Variants in C2orf92 observed in about 807,000 individuals in gnomAD.
The protein encoded by C2orf92 is chromosome 2 open reading frame 92.
intron 3 of C2orf92, among the ~76,000 whole-genome samples, chr2:97,682,710 A>G (rs1261158468): frequency 6.6e-6 from 1 of 152,180 alleles, no homozygotes; most frequent in Admixed American, 6.5e-5. Flanking sequence ...AGGAGAAAAA[A>G]TATCATTTCA....
upstream of C2orf92, chr2:97,669,038 C>T (rs1675322540): frequency 6.6e-6 from 1 of 152,098 alleles, no homozygotes; most frequent in South Asian, 2.1e-4. Context: ...AACATGAAGG[C>T]TCAAGGGCAG....
intron 7 of C2orf92, among the ~76,000 whole-genome samples, chr2:97,701,581 C>T (rs950546886): frequency 6.6e-6 from 1 of 152,160 alleles, no homozygotes; most frequent in Admixed American, 6.5e-5. Context: ...CAGACCTGTC[C>T]CCATATTGAG....
intron 3 of C2orf92, among the ~76,000 whole-genome samples, 191 bp from the exon 4 acceptor site, chr2:97,688,704 A>C (rs190287631): frequency 1.3e-5 from 2 of 152,070 alleles, no homozygotes; most frequent in Admixed American, 1.3e-4. Flanking sequence ...AGACATCACA[A>C]TTTTCCGGAA....
upstream of C2orf92, chr2:97,665,731 CTCTCTCTATATATA>C (rs1339469498): frequency 3.5e-3 from 81 of 23,214 alleles, no homozygotes; most frequent in African/African-American, 9.0e-3. Flanking sequence ...CTCTCTCTCT[CTCTCTCTATATATA>C]TATATATATA....
intron 1 of C2orf92, among the ~76,000 whole-genome samples, chr2:97,672,030 T>G (rs954070086): frequency 6.6e-6 from 1 of 152,188 alleles, no homozygotes. Context: ...TGAGAAAAAC[T>G]AAGGCCCAGG....
At chr2:97,676,500 T>A (rs1454670452) in intron 3 of C2orf92, among the ~76,000 whole-genome samples, 4 of 142,666 alleles carry the variant, frequency 2.8e-5, no homozygotes, top group East Asian at 2.2e-4. Flanking sequence ...GCCTCATACC[T>A]ATGATCCCAG....
chr2:97,669,345 C>G (rs1675334072), upstream of C2orf92: 1 of 152,632 alleles, frequency 6.6e-6, no homozygotes, highest in African/African-American at 2.4e-5. Context: ...GGTGATCCGC[C>G]TGCCTCAGCC....
chr2:97,664,313 G>C (rs907976636), exon 1 of C2orf92: 2 of 152,424 alleles, frequency 1.3e-5, no homozygotes, highest in African/African-American at 4.8e-5. Context: ...GAAATTCACC[G>C]GTCCAGGAAG....
chr2:97,667,653 C>T (rs1268806834), upstream of C2orf92, among the ~76,000 whole-genome samples: 2 of 152,100 alleles, frequency 1.3e-5, no homozygotes, highest in Non-Finnish European at 2.9e-5. Flanking sequence ...AGGATGATCT[C>T]GATCTCCTGA....
intron 3 of C2orf92, among the ~76,000 whole-genome samples, chr2:97,684,550 A>G (rs548225254): frequency 6.6e-6 from 1 of 152,350 alleles, no homozygotes; most frequent in Non-Finnish European, 1.5e-5. Context: ...GAAAATCTTC[A>G]TGACCTTGAA....
chr2:97,675,647 C>T, intron 2 of C2orf92, 198 bp from the exon 3 acceptor site: 1 of 393,642 alleles, frequency 2.5e-6, no homozygotes, highest in Non-Finnish European at 4.5e-6. Flanking sequence ...TGAAAATGAG[C>T]TTAGCCCCTG....
chr2:97,675,237 A>T (rs1675538197), intron 2 of C2orf92, among the ~76,000 whole-genome samples: 1 of 152,272 alleles, frequency 6.6e-6, no homozygotes, highest in Non-Finnish European at 1.5e-5. Context: ...TAAGCCAGCT[A>T]TGTGTGCCAG....
chr2:97,673,777 C>A (rs1457212125), intron 1 of C2orf92, among the ~76,000 whole-genome samples: 3 of 152,150 alleles, frequency 2.0e-5, no homozygotes, highest in African/African-American at 7.2e-5. Flanking sequence ...CTCTCTGAAC[C>A]CCCAGCACCT....
intron 3 of C2orf92, among the ~76,000 whole-genome samples, chr2:97,688,519 C>A (rs557483273): frequency 6.6e-6 from 1 of 152,172 alleles, no homozygotes; most frequent in Non-Finnish European, 1.5e-5. Context: ...AGAATCTGTT[C>A]TGATTCATCT....
chr2:97,700,941 C>T (rs1434242989), intron 6 of C2orf92, among the ~76,000 whole-genome samples: 1 of 152,138 alleles, frequency 6.6e-6, no homozygotes, highest in Non-Finnish European at 1.5e-5. Flanking sequence ...CCGTCTTAGC[C>T]AGGATGGTCT....
intron 1 of C2orf92, among the ~76,000 whole-genome samples, chr2:97,673,768 T>C (rs2104538815): frequency 6.6e-6 from 1 of 152,256 alleles, no homozygotes; most frequent in Non-Finnish European, 1.5e-5. Context: ...GTCACCTTCC[T>C]CTCTGAACCC....
At chr2:97,686,879 G>A (rs753270074) in intron 3 of C2orf92, among the ~76,000 whole-genome samples, 1 of 152,258 alleles carries the variant, frequency 6.6e-6, no homozygotes, top group Non-Finnish European at 1.5e-5. Context: ...TTAGCTGGGT[G>A]TGGTGGCGTG....
chr2:97,680,459 A>C (rs925163283), intron 3 of C2orf92, among the ~76,000 whole-genome samples: 1 of 152,238 alleles, frequency 6.6e-6, no homozygotes, highest in African/African-American at 2.4e-5. Flanking sequence ...TCACTTAGGG[A>C]ATACAAGGAG....
At chr2:97,682,045 AG>A (rs1309583273) in intron 3 of C2orf92, among the ~76,000 whole-genome samples, 1 of 152,232 alleles carries the variant, frequency 6.6e-6, no homozygotes, top group African/African-American at 2.4e-5. Flanking sequence ...TTACTTAAAA[AG>A]ACCAACAAAA....
Sources: allele counts gnomAD v4.1 joint callset (sites outside exome capture counted in the v4.1 genomes callset), GRCh38; gene constraint gnomAD v4.1.1; transcripts MANE v1.5; gene names NCBI Gene and HGNC (gene_info 2026-07-23, HGNC 2026-07-21).